The following ADAMTSL3 variants were observed in gnomAD, a reference collection of about 807,000 sequenced individuals.
The protein encoded by ADAMTSL3 is ADAMTS like 3.
Under a neutral mutation model 201.7 loss-of-function variants are expected in ADAMTSL3, and 128 were observed. That is an observed-to-expected ratio of 0.63 (90% CI 0.55 to 0.73). The LOEUF is 0.73. Ranked by LOEUF, ADAMTSL3 falls within the 30% of genes least tolerant of loss-of-function variation. ADAMTSL3 has a pLI of 0.00. For missense variants in ADAMTSL3, 1,990 were observed against 2,119.6 expected (o/e 0.94, Z 1.20); for synonymous variants, 738 against 748.4 (o/e 0.99, Z 0.23).
chr15:83,965,422 C>A (rs1479886180), intron 19 of ADAMTSL3, among the ~76,000 whole-genome samples: 1 of 148,640 alleles, frequency 6.7e-6, no homozygotes, highest in Non-Finnish European at 1.5e-5. Flanking sequence ...CAACAAAGAT[C>A]AAAAAATACA....
At chr15:83,818,578 C>T (rs1012532777) in intron 5 of ADAMTSL3, among the ~76,000 whole-genome samples, 2 of 152,230 alleles carry the variant, frequency 1.3e-5, no homozygotes, top group African/African-American at 4.8e-5. Flanking sequence ...CGGCCCGCCT[C>T]AGCCACCCAA....
At chr15:83,754,122 C>G (rs2062680708) in intron 3 of ADAMTSL3, among the ~76,000 whole-genome samples, 1 of 152,136 alleles carries the variant, frequency 6.6e-6, no homozygotes, top group Non-Finnish European at 1.5e-5. Flanking sequence ...GTATGTCAGG[C>G]CTCCACCCAT....
chr15:83,853,807 G>A (rs10906981), intron 7 of ADAMTSL3, among the ~76,000 whole-genome samples: 39,004 of 151,884 alleles, frequency 0.26, 5,569 homozygotes, highest in Admixed American at 0.42. Context: ...ATACATAAAA[G>A]TTGATAAAAT....
chr15:83,916,161 G>T (rs1567234357), intron 16 of ADAMTSL3, among the ~76,000 whole-genome samples: 1 of 152,176 alleles, frequency 6.6e-6, no homozygotes, highest in Non-Finnish European at 1.5e-5. Context: ...ATGCAATGCA[G>T]TATTCAGGTG....
intron 19 of ADAMTSL3, among the ~76,000 whole-genome samples, chr15:83,965,349 CAAAA>C (rs143907808): frequency 1.6e-4 from 16 of 98,380 alleles, no homozygotes; most frequent in Admixed American, 2.3e-4. Context: ...AAATGGAAAG[CAAAA>C]AAAAAAAAAA....
chr15:83,770,235 C>T (rs752057493), intron 3 of ADAMTSL3, among the ~76,000 whole-genome samples: 1 of 151,948 alleles, frequency 6.6e-6, no homozygotes, highest in Non-Finnish European at 1.5e-5. Context: ...TTCCCCACCC[C>T]AATATTTTTA....
chr15:83,718,620 G>A (rs938989161), intron 3 of ADAMTSL3, among the ~76,000 whole-genome samples: 2 of 151,598 alleles, frequency 1.3e-5, no homozygotes, highest in African/African-American at 2.4e-5. Context: ...GAACCCGGGA[G>A]GCAGAGGTTG....
chr15:83,782,298 G>A (rs2063183441), intron 4 of ADAMTSL3, among the ~76,000 whole-genome samples: 1 of 152,028 alleles, frequency 6.6e-6, no homozygotes, highest in Admixed American at 6.6e-5. Flanking sequence ...CAAACATGGT[G>A]AAACCACATC....
intron 7 of ADAMTSL3, among the ~76,000 whole-genome samples, chr15:83,848,710 A>G (rs932612717): frequency 3.9e-5 from 6 of 152,242 alleles, no homozygotes; most frequent in Non-Finnish European, 4.4e-5. Context: ...AGTCACTTTA[A>G]CCTTATAAAA....
At chr15:84,020,276 T>C (rs1183890870) in intron 25 of ADAMTSL3, among the ~76,000 whole-genome samples, 1 of 152,084 alleles carries the variant, frequency 6.6e-6, no homozygotes, top group Non-Finnish European at 1.5e-5. Flanking sequence ...CCAGTCCGGC[T>C]AACAGGTGAC....
At chr15:83,697,469 A>G (rs2061701492) in intron 2 of ADAMTSL3, among the ~76,000 whole-genome samples, 1 of 152,230 alleles carries the variant, frequency 6.6e-6, no homozygotes, top group Non-Finnish European at 1.5e-5. Flanking sequence ...TAGGTTGAGT[A>G]TAGGTTATCA....
At chr15:83,891,487 T>G (rs573005080) in intron 12 of ADAMTSL3, 108 bp downstream of exon 12, 1 of 928,592 alleles carries the variant, frequency 1.1e-6, no homozygotes, top group East Asian at 2.4e-5. Context: ...TTAAATACTT[T>G]ATAGAGCTAA....
chr15:83,931,456 G>C (rs563153786), intron 17 of ADAMTSL3, among the ~76,000 whole-genome samples: 1 of 152,238 alleles, frequency 6.6e-6, no homozygotes, highest in South Asian at 2.1e-4. Flanking sequence ...ACAAATTTAA[G>C]CTGAATTGTT....
chr15:83,796,691 C>G (rs1229973628), intron 4 of ADAMTSL3, among the ~76,000 whole-genome samples: 1 of 152,120 alleles, frequency 6.6e-6, no homozygotes, highest in East Asian at 1.9e-4. Flanking sequence ...TTTCTTTTAA[C>G]TATACTAGTG....
intron 3 of ADAMTSL3, among the ~76,000 whole-genome samples, chr15:83,715,648 G>A (rs1015628082): frequency 1.3e-5 from 2 of 152,112 alleles, no homozygotes; most frequent in Non-Finnish European, 2.9e-5. Context: ...AATGCACAAC[G>A]AGCATATATT....
chr15:83,755,581 C>T (rs1382705436), intron 3 of ADAMTSL3, among the ~76,000 whole-genome samples: 1 of 152,168 alleles, frequency 6.6e-6, no homozygotes, highest in Non-Finnish European at 1.5e-5. Flanking sequence ...ATGTTGTAGC[C>T]TGTGCCCGAA....
At chr15:83,666,127 C>G (rs2061245245) in intron 2 of ADAMTSL3, among the ~76,000 whole-genome samples, 1 of 152,088 alleles carries the variant, frequency 6.6e-6, no homozygotes, top group African/African-American at 2.4e-5. Context: ...AAATATGTAT[C>G]TTTTAAACAG....
chr15:83,857,501 G>C (rs2064764081), intron 7 of ADAMTSL3, among the ~76,000 whole-genome samples: 1 of 152,028 alleles, frequency 6.6e-6, no homozygotes, highest in South Asian at 2.1e-4. Flanking sequence ...GTATTCCTGA[G>C]TATGGATGTT....
intron 20 of ADAMTSL3, among the ~76,000 whole-genome samples, chr15:83,974,052 C>T (rs925384778): frequency 4.6e-5 from 7 of 152,188 alleles, no homozygotes; most frequent in African/African-American, 1.7e-4. Flanking sequence ...TGACACCCAC[C>T]GCCTGCTTCT....
Sources: allele counts gnomAD v4.1 joint callset (sites outside exome capture counted in the v4.1 genomes callset), GRCh38; gene constraint gnomAD v4.1.1; transcripts MANE v1.5; gene names NCBI Gene and HGNC (gene_info 2026-07-23, HGNC 2026-07-21).